Variants in NR3C2 observed in about 807,000 individuals in gnomAD.
NR3C2 encodes nuclear receptor subfamily 3 group C member 2, also known as mineralocorticoid receptor.
Under a neutral mutation model 86.4 loss-of-function variants are expected in NR3C2, and 15 were observed. The ratio of observed to expected loss-of-function variants is 0.17; its 90% CI spans 0.12 to 0.27. NR3C2 has a LOEUF of 0.27. Among genes scored for constraint, NR3C2 ranks in the 10% least tolerant of loss-of-function variants. NR3C2 has a pLI of 1.00. For synonymous variants in NR3C2, 458 were observed against 450.5 expected (o/e 1.02, Z -0.21); for missense variants, 960 against 1,195.6 (o/e 0.80, Z 2.91).
chr4:148,249,539 CT>C (rs1739476166), intron 3 of NR3C2, among the ~76,000 whole-genome samples: 1 of 152,110 alleles, frequency 6.6e-6, no homozygotes, highest in Admixed American at 6.5e-5. Context: ...CATGTTTTCG[CT>C]GTTAGAAAAG....
chr4:148,152,406 G>A (rs1734142782), intron 6 of NR3C2, 63 bp downstream of exon 6: 1 of 1,553,742 alleles, frequency 6.4e-7, no homozygotes, highest in Non-Finnish European at 8.9e-7. Flanking sequence ...AGAAATTACT[G>A]AAAGAAATCA....
intron 2 of NR3C2, among the ~76,000 whole-genome samples, chr4:148,376,229 G>C (rs745714445): frequency 2.0e-5 from 3 of 150,394 alleles, no homozygotes; most frequent in Non-Finnish European, 3.0e-5. Flanking sequence ...GAAACTCTTT[G>C]GTGTAGAAGG....
intron 4 of NR3C2, among the ~76,000 whole-genome samples, chr4:148,183,509 C>CCACA (rs1260273385): frequency 1.3e-5 from 2 of 152,152 alleles, no homozygotes; most frequent in Non-Finnish European, 2.9e-5. Flanking sequence ...TTAATGATGG[C>CCACA]CATTCTAATT....
chr4:148,209,731 A>C (rs1471546024), intron 3 of NR3C2, among the ~76,000 whole-genome samples: 1 of 152,202 alleles, frequency 6.6e-6, no homozygotes, highest in Non-Finnish European at 1.5e-5. Context: ...GGAGAAGCCA[A>C]TTAGGGCTAG....
chr4:148,340,365 C>A (rs1291604513), intron 2 of NR3C2, among the ~76,000 whole-genome samples: 1 of 151,964 alleles, frequency 6.6e-6, no homozygotes, highest in Non-Finnish European at 1.5e-5. Context: ...ACAAAGGTGC[C>A]TGGAACATAC....
At chr4:148,344,295 A>G (rs2137333) in intron 2 of NR3C2, among the ~76,000 whole-genome samples, 46,428 of 152,074 alleles carry the variant, frequency 0.31, 7,895 homozygotes, top group African/African-American at 0.45. Flanking sequence ...GATTAGAAGT[A>G]TATCTAACAT....
rs72653880 is a variant in NR3C2 at position 148,213,657 on chromosome 4, T to C, written c.1898-18795A>G. 1.3e-3 allele frequency among the ~76,000 whole-genome samples: 203 copies of C among 151,890 alleles called. 1 individual carries two copies. Among genetic ancestry groups the C allele is most frequent in the African/African-American group, 4.7e-3 (195 of 41,160 alleles). The stretch of plus-strand genomic sequence containing the variant: ...TTACATTTCAGACAGCCATTCTGCC[T>C]AAAAACACTCTAAATTATTTAAATT... On this transcript the variant is annotated intron_variant, in intron 3 of 8. Coordinates refer to ENST00000358102, the MANE Select transcript of NR3C2 (RefSeq NM_000901.5).
intron 3 of NR3C2, among the ~76,000 whole-genome samples, chr4:148,196,430 T>C (rs1376512008): frequency 6.6e-6 from 1 of 152,064 alleles, no homozygotes; most frequent in Non-Finnish European, 1.5e-5. Flanking sequence ...GCCATAAAAC[T>C]GGGTGAGATC....
At chr4:148,422,754 C>A (rs1024878263) in intron 2 of NR3C2, among the ~76,000 whole-genome samples, 2 of 152,104 alleles carry the variant, frequency 1.3e-5, no homozygotes, top group Non-Finnish European at 1.5e-5. Flanking sequence ...CAGTAGTTGG[C>A]TCTTCCTGTT....
At chr4:148,199,145 A>C (rs989238880) in intron 3 of NR3C2, among the ~76,000 whole-genome samples, 2 of 151,938 alleles carry the variant, frequency 1.3e-5, no homozygotes, top group African/African-American at 4.8e-5. Context: ...ACTCGTAATG[A>C]AAGTTAAGTG....
At chr4:148,315,520 A>G (rs531684759) in intron 2 of NR3C2, among the ~76,000 whole-genome samples, 2 of 152,216 alleles carry the variant, frequency 1.3e-5, no homozygotes, top group Non-Finnish European at 2.9e-5. Context: ...ATTTTTCTTG[A>G]TGTAGCCTAT....
Position 148,114,204 on chromosome 4 carries a change from A to G in NR3C2, c.2699T>C (p.Ile900Thr). 6.2e-7 allele frequency: 1 copy of G among 1,613,888 alleles called. No homozygotes were observed. The highest frequency in any genetic ancestry group is 8.5e-7 in the Non-Finnish European group (1 of 1,179,942). ...AGTTACCATCTTCCTCAGTTCTTTG[A>G]TGTAATTTGTCCTCATTTCTTCAAA... ...AAFEEMRTNY[I>T]KELRKMVTKC... The change falls in exon 8 of 9, where the codon ATC becomes ACC. Residue 900 changes from isoleucine (I) to threonine (T), a missense_variant. By Grantham distance (89) the Ile-to-Thr change is moderately conservative (BLOSUM62 -1). Coordinates refer to ENST00000358102, the MANE Select transcript of NR3C2 (RefSeq NM_000901.5).
chr4:148,386,116 C>T lies in NR3C2; in HGVS notation c.1757+48988G>A, dbSNP rs560270826. ...TGCAAGATGGAAACCACTCTAAATC[C>T]CTCCTCCTCCCAGCCCCCAGGAGAG... On this transcript the variant is annotated intron_variant, in intron 2 of 8. Transcript: ENST00000358102. Among the ~76,000 whole-genome samples the T allele has an allele frequency of 2.6e-5, 4 of 152,138 alleles. 1 individual carries two copies. In the South Asian group the frequency reaches 8.3e-4, roughly 32 times the overall value.
intron 3 of NR3C2, among the ~76,000 whole-genome samples, chr4:148,230,083 T>C (rs1738382197): frequency 6.6e-6 from 1 of 152,220 alleles, no homozygotes; most frequent in Admixed American, 6.5e-5. Flanking sequence ...CTCTCTCTCT[T>C]CCAGTACATA....
chr4:148,234,317 T>G (rs539641953), intron 3 of NR3C2, among the ~76,000 whole-genome samples: 28 of 152,222 alleles, frequency 1.8e-4, no homozygotes, highest in Admixed American at 3.9e-4. Context: ...TCAGGCAGAA[T>G]CACAGAGTGA....
chr4:148,164,516 G>A (rs1223526113), intron 4 of NR3C2, among the ~76,000 whole-genome samples: 1 of 152,128 alleles, frequency 6.6e-6, no homozygotes, highest in Non-Finnish European at 1.5e-5. Flanking sequence ...GTATGTGCAT[G>A]TGTAAAACAA....
At chr4:148,133,413 C>T (rs1428012148) in intron 6 of NR3C2, among the ~76,000 whole-genome samples, 1 of 152,102 alleles carries the variant, frequency 6.6e-6, no homozygotes, top group African/African-American at 2.4e-5. Context: ...TGCTTACTTT[C>T]AATAAATGAC....
chr4:148,297,146 G>A (rs1173719790), intron 2 of NR3C2, among the ~76,000 whole-genome samples: 1 of 151,720 alleles, frequency 6.6e-6, no homozygotes, highest in Non-Finnish European at 1.5e-5. Context: ...CAATCACAAA[G>A]AAAAAAACAT....
intron 2 of NR3C2, among the ~76,000 whole-genome samples, chr4:148,400,810 GACT>G (rs1212500746): frequency 6.8e-6 from 1 of 148,082 alleles, no homozygotes; most frequent in Non-Finnish European, 1.5e-5. Flanking sequence ...AAAAGAGAGA[GACT>G]GCTTTGGTGT....
Sources: allele counts gnomAD v4.1 joint callset (sites outside exome capture counted in the v4.1 genomes callset), GRCh38; gene constraint gnomAD v4.1.1; transcripts MANE v1.5; gene names NCBI Gene and HGNC (gene_info 2026-07-23, HGNC 2026-07-21).